The following LRRTM4 variants were observed in gnomAD, a reference collection of about 807,000 sequenced individuals.
The protein encoded by LRRTM4 is leucine-rich repeat transmembrane neuronal protein 4.
LRRTM4 carries 25 observed loss-of-function variants against 47.6 expected under a neutral mutation model. That is an observed-to-expected ratio of 0.53 (90% CI 0.38 to 0.73). The LOEUF (loss-of-function observed/expected upper bound fraction) is 0.73, where lower values mean the gene tolerates loss of function less well. Among genes scored for constraint, LRRTM4 ranks in the 30% least tolerant of loss-of-function variants. The probability of loss-of-function intolerance (pLI) is 0.00; values close to 1 mark genes in which losing one functional copy is unlikely to be tolerated. For missense variants in LRRTM4, 638 were observed against 713.4 expected (o/e 0.89, Z 1.20); for synonymous variants, 311 against 269.5 (o/e 1.15, Z -1.51).
chr2:77,228,599 C>T (rs1380881582), intron 3 of LRRTM4, among the ~76,000 whole-genome samples: 1 of 152,118 alleles, frequency 6.6e-6, no homozygotes, highest in African/African-American at 2.4e-5. Flanking sequence ...GTTATAAGCC[C>T]AAGGCTTGGA....
intron 3 of LRRTM4, among the ~76,000 whole-genome samples, chr2:76,887,907 T>C (rs1266473603): frequency 6.6e-6 from 1 of 151,160 alleles, no homozygotes; most frequent in Non-Finnish European, 1.5e-5. Flanking sequence ...GTGAAAGTCC[T>C]ACTATTTTTG....
chr2:76,868,302 A>G (rs1672522358), intron 3 of LRRTM4, among the ~76,000 whole-genome samples: 1 of 152,196 alleles, frequency 6.6e-6, no homozygotes, highest in Non-Finnish European at 1.5e-5. Context: ...CATAGGACCC[A>G]GTTTCTATCC....
chr2:76,825,053 G>A (rs1182426942), intron 3 of LRRTM4, among the ~76,000 whole-genome samples: 5 of 151,458 alleles, frequency 3.3e-5, no homozygotes, highest in African/African-American at 9.7e-5. Context: ...GCTGGGATAC[G>A]GCGATAGAAC....
intron 3 of LRRTM4, among the ~76,000 whole-genome samples, chr2:77,023,339 C>T (rs1263007252): frequency 6.6e-6 from 1 of 152,158 alleles, no homozygotes; most frequent in Non-Finnish European, 1.5e-5. Flanking sequence ...CTCTTGATAC[C>T]CTGGAGACAT....
rs1393121204 is a variant in LRRTM4 at position 77,411,483 on chromosome 2, T to C, written c.1551+106835A>G. ...TTTTTTTTTTTTTGAGACGGAGTCT[T>C]GCTCTGTCGCCCAGGCTGGGGTGCA... On this transcript the variant is annotated intron_variant, in intron 3 of 3. Coordinates refer to ENST00000409884, the MANE Select transcript of LRRTM4 (RefSeq NM_001134745.3). Among the ~76,000 whole-genome samples the C allele has an allele frequency of 4.1e-4, 59 of 145,530 alleles. No individual in the cohort carries two copies. In the East Asian group the frequency reaches 8.8e-3, roughly 22 times the overall value.
intron 3 of LRRTM4, among the ~76,000 whole-genome samples, chr2:77,107,478 A>C (rs1166351124): frequency 1.3e-5 from 2 of 152,202 alleles, no homozygotes; most frequent in African/African-American, 4.8e-5. Flanking sequence ...AAAATATAGG[A>C]GAGCAATAGC....
At chr2:77,288,201 G>T (rs1277219749) in intron 3 of LRRTM4, among the ~76,000 whole-genome samples, 2 of 151,098 alleles carry the variant, frequency 1.3e-5, no homozygotes, top group Non-Finnish European at 3.0e-5. Flanking sequence ...GTGTCAAGTA[G>T]AAAAAATAAT....
At chr2:77,453,176 A>ATTTTTTTTT (rs1162461607) in intron 3 of LRRTM4, among the ~76,000 whole-genome samples, 6 of 99,532 alleles carry the variant, frequency 6.0e-5, no homozygotes, top group South Asian at 3.6e-4. Flanking sequence ...TTTCTTCTTG[A>ATTTTTTTTT]TTTTTTTTTT....
At chr2:76,764,974 G>C (rs998857356) in intron 3 of LRRTM4, among the ~76,000 whole-genome samples, 9 of 152,290 alleles carry the variant, frequency 5.9e-5, no homozygotes, top group African/African-American at 2.2e-4. Context: ...TGTGGAAGTG[G>C]AGCTGTCGCC....
intron 3 of LRRTM4, among the ~76,000 whole-genome samples, chr2:77,407,493 A>G (rs1674240735): frequency 6.7e-6 from 1 of 149,920 alleles, no homozygotes; most frequent in Non-Finnish European, 1.5e-5. Flanking sequence ...TTTAGTTTAT[A>G]TTTTTGGGGT....
intron 3 of LRRTM4, among the ~76,000 whole-genome samples, chr2:76,916,403 A>AAAAAGAAAAG (rs1553430735): frequency 4.6e-4 from 64 of 138,570 alleles, no homozygotes; most frequent in Non-Finnish European, 6.4e-4. Flanking sequence ...AAAAAAAAAA[A>AAAAAGAAAAG]AAAAGAAAAG....
chr2:77,276,709 ATATATATATATATATATATATATGT>A (rs1377081919), intron 3 of LRRTM4, among the ~76,000 whole-genome samples: 4 of 124,372 alleles, frequency 3.2e-5, no homozygotes, highest in Non-Finnish European at 6.5e-5. Context: ...ATATATATAT[ATATATATATATATATATATATATGT>A]TTTCTTTTTA....
chr2:77,421,379 G>T (rs977715897), intron 3 of LRRTM4, among the ~76,000 whole-genome samples: 34 of 152,196 alleles, frequency 2.2e-4, no homozygotes, highest in African/African-American at 7.7e-4. Context: ...CATTTTAGTT[G>T]TCACATCTAG....
intron 3 of LRRTM4, among the ~76,000 whole-genome samples, chr2:77,480,563 A>ATG (rs1370644908): frequency 6.6e-6 from 1 of 152,126 alleles, no homozygotes; most frequent in Non-Finnish European, 1.5e-5. Context: ...AAATCAATTA[A>ATG]TGTATCATTT....
At chr2:77,185,563 C>T (rs1212093283) in intron 3 of LRRTM4, among the ~76,000 whole-genome samples, 5 of 152,040 alleles carry the variant, frequency 3.3e-5, no homozygotes, top group African/African-American at 1.2e-4. Flanking sequence ...CAAGCAAGGT[C>T]TGTGTGCATA....
chr2:76,968,608 T>C (rs1340020516), intron 3 of LRRTM4, among the ~76,000 whole-genome samples: 1 of 151,478 alleles, frequency 6.6e-6, no homozygotes, highest in African/African-American at 2.4e-5. Flanking sequence ...TAGCTAACTA[T>C]TCTGTTTGGG....
chr2:76,787,451 T>C (rs1517771), intron 3 of LRRTM4, among the ~76,000 whole-genome samples: 70,170 of 151,890 alleles, frequency 0.46, 16,770 homozygotes, highest in Middle Eastern at 0.54. Flanking sequence ...TATCAGATGG[T>C]AAGCCCATTG....
At chr2:76,968,334 A>ATGTG (rs1413039404) in intron 3 of LRRTM4, among the ~76,000 whole-genome samples, 14 of 106,512 alleles carry the variant, frequency 1.3e-4, no homozygotes, top group African/African-American at 4.4e-4. Flanking sequence ...AAAAGTGTGT[A>ATGTG]TGTGTGTATA....
chr2:77,517,109 A>G, intron 3 of LRRTM4: 1 of 985,172 alleles, frequency 1.0e-6, no homozygotes, highest in Non-Finnish European at 1.2e-6. Flanking sequence ...GTCTTTGCAC[A>G]TAATGATCAA....
Sources: gnomAD v4.1 joint callset for allele counts (sites outside exome capture counted in the v4.1 genomes callset) on GRCh38, gnomAD v4.1.1 for gene constraint, MANE v1.5 for transcripts, NCBI Gene and HGNC (gene_info 2026-07-23, HGNC 2026-07-21) for gene names.